RASEF: variants seen among roughly 807,000 people sequenced by gnomAD.
RASEF encodes RAS and EF-hand domain containing, also known as ras and EF-hand domain-containing protein.
Under a neutral mutation model 90.1 loss-of-function variants are expected in RASEF, and 68 were observed. The ratio of observed to expected loss-of-function variants is 0.75; its 90% CI spans 0.62 to 0.92. The LOEUF (loss-of-function observed/expected upper bound fraction) is 0.92, where lower values mean the gene tolerates loss of function less well. Among genes scored for constraint, RASEF ranks in the 40% least tolerant of loss-of-function variants. The pLI, the probability that RASEF is intolerant of heterozygous loss-of-function variation, is 0.00. For missense variants in RASEF, 949 were observed against 937.2 expected (o/e 1.01, Z -0.16); for synonymous variants, 331 against 345.2 (o/e 0.96, Z 0.46).
intron 12 of RASEF, among the ~76,000 whole-genome samples, chr9:82,999,950 G>T (rs1828992139): frequency 6.7e-6 from 1 of 149,580 alleles, no homozygotes; most frequent in African/African-American, 2.5e-5. Context: ...GCAGGCCTTG[G>T]CCAAAACAAG....
At chr9:83,138,995 G>A in the RASEF span, among the ~76,000 whole-genome samples, 1 of 152,078 alleles carries the variant, frequency 6.6e-6, no homozygotes, top group East Asian at 1.9e-4. Flanking sequence ...TGCTTTGGGA[G>A]CAGGGGTCAC....
chr9:83,026,694 T>C (rs539237517), intron 1 of RASEF, among the ~76,000 whole-genome samples: 1 of 152,260 alleles, frequency 6.6e-6, no homozygotes, highest in Admixed American at 6.5e-5. Context: ...GCAATGAATA[T>C]ACCTATTATG....
At chr9:83,176,552 G>T in the RASEF span, among the ~76,000 whole-genome samples, 1 of 151,714 alleles carries the variant, frequency 6.6e-6, no homozygotes, top group Non-Finnish European at 1.5e-5. Context: ...AGCATTAAGT[G>T]AATATTTATT....
At chr9:83,105,560 A>C in the RASEF span, among the ~76,000 whole-genome samples, 1 of 152,186 alleles carries the variant, frequency 6.6e-6, no homozygotes, top group Non-Finnish European at 1.5e-5. Flanking sequence ...GATTAACTGA[A>C]AATAAAATTT....
the RASEF span, among the ~76,000 whole-genome samples, chr9:83,121,153 T>C: frequency 6.6e-6 from 1 of 152,168 alleles, no homozygotes; most frequent in South Asian, 2.1e-4. Flanking sequence ...ACAAGATAAA[T>C]TATTTGTAAA....
the RASEF span, among the ~76,000 whole-genome samples, chr9:83,152,210 C>A: frequency 6.6e-6 from 1 of 152,122 alleles, no homozygotes; most frequent in Admixed American, 6.5e-5. Flanking sequence ...TAAATCTTGA[C>A]CCTACTCTAG....
chr9:83,195,404 C>T, the RASEF span, among the ~76,000 whole-genome samples: 40 of 152,066 alleles, frequency 2.6e-4, no homozygotes, highest in Admixed American at 1.2e-3. Flanking sequence ...AGCTGACAAT[C>T]GGGTGGGAAA....
chr9:83,037,178 A>T (rs1829757087), intron 1 of RASEF, among the ~76,000 whole-genome samples: 2 of 152,188 alleles, frequency 1.3e-5, no homozygotes, highest in Non-Finnish European at 2.9e-5. Context: ...AATTCTGCAC[A>T]AATTTTTATT....
chr9:83,186,722 G>C, the RASEF span, among the ~76,000 whole-genome samples: 2 of 152,098 alleles, frequency 1.3e-5, no homozygotes, highest in East Asian at 3.9e-4. Flanking sequence ...GTGGGATATA[G>C]AAAGTCATTG....
chr9:83,173,035 T>G, the RASEF span, among the ~76,000 whole-genome samples: 1 of 151,992 alleles, frequency 6.6e-6, no homozygotes, highest in Non-Finnish European at 1.5e-5. Flanking sequence ...GGTTGAATGT[T>G]TTATTTCCTT....
chr9:83,023,993 C>T (rs952424652), intron 2 of RASEF, among the ~76,000 whole-genome samples: 6 of 152,294 alleles, frequency 3.9e-5, no homozygotes, highest in Middle Eastern at 6.8e-3. Flanking sequence ...TGACCTAGTC[C>T]GGGGCTCCCT....
intron 16 of RASEF, 30 bp downstream of exon 16, chr9:82,990,361 C>T: frequency 1.3e-6 from 2 of 1,530,318 alleles, no homozygotes; most frequent in Non-Finnish European, 1.8e-6. Context: ...AGCGAAAATT[C>T]AATCCTACAT....
At chr9:83,097,505 C>T in the RASEF span, among the ~76,000 whole-genome samples, 1 of 152,190 alleles carries the variant, frequency 6.6e-6, no homozygotes, top group Admixed American at 6.5e-5. Context: ...ATCTACTCAT[C>T]TGACAAAGGG....
At chr9:83,048,230 T>C in intron 1 of RASEF, 1 of 985,314 alleles carries the variant, frequency 1.0e-6, no homozygotes, top group South Asian at 4.7e-5. Context: ...GGCAGTCCTA[T>C]TGATGCTGGA....
chr9:83,080,390 G>T, the RASEF span, among the ~76,000 whole-genome samples: 2 of 152,230 alleles, frequency 1.3e-5, no homozygotes, highest in African/African-American at 2.4e-5. Flanking sequence ...AACTTTCCTG[G>T]TTAAATCCTA....
At chr9:83,046,831 C>A (rs929324973) in intron 1 of RASEF, among the ~76,000 whole-genome samples, 1 of 152,114 alleles carries the variant, frequency 6.6e-6, no homozygotes, top group African/African-American at 2.4e-5. Flanking sequence ...TCCCATAAAC[C>A]CTTCATCCTT....
the RASEF span, among the ~76,000 whole-genome samples, chr9:83,102,452 A>G: frequency 6.6e-6 from 1 of 152,188 alleles, no homozygotes; most frequent in African/African-American, 2.4e-5. Context: ...TGCCGTACAC[A>G]TGTCTGCAAA....
At chr9:83,200,592 G>C in the RASEF span, among the ~76,000 whole-genome samples, 3 of 152,040 alleles carry the variant, frequency 2.0e-5, no homozygotes, top group African/African-American at 7.2e-5. Context: ...CAATGCTATT[G>C]TCTCCCTTTG....
intron 1 of RASEF, among the ~76,000 whole-genome samples, chr9:83,049,013 A>T (rs1261855395): frequency 6.6e-6 from 1 of 151,746 alleles, no homozygotes; most frequent in East Asian, 1.9e-4. Context: ...AATCCCAGCT[A>T]CTCGGGAGGC....
Sources: allele counts gnomAD v4.1 joint callset (sites outside exome capture counted in the v4.1 genomes callset), GRCh38; gene constraint gnomAD v4.1.1; transcripts MANE v1.5; gene names NCBI Gene and HGNC (gene_info 2026-07-23, HGNC 2026-07-21).